The following SUCLG1 variants were observed in gnomAD, a reference collection of about 807,000 sequenced individuals.
SUCLG1 encodes the protein succinate--CoA ligase [ADP/GDP-forming] subunit alpha, mitochondrial.
In SUCLG1, 26 loss-of-function variants were observed where a neutral mutation model predicts 37.3. That is an observed-to-expected ratio of 0.70 (90% confidence interval 0.51 to 0.97). The LOEUF is 0.97. Among genes scored for constraint, SUCLG1 ranks in the 50% least tolerant of loss-of-function variants. SUCLG1 has a pLI of 0.00. For missense variants in SUCLG1, 433 were observed against 432.9 expected, an observed-to-expected ratio of 1.00 and a Z score of 0.00; for synonymous variants, 163 against 155.6, an observed-to-expected ratio of 1.05 and a Z score of -0.36.
intron 1 of SUCLG1, among the ~76,000 whole-genome samples, chr2:84,458,758 G>A (rs1188094039): frequency 6.6e-6 from 1 of 152,068 alleles, no homozygotes; most frequent in African/African-American, 2.4e-5. Context: ...TTCCTACTGA[G>A]ACACTCTTCC....
At chr2:84,425,662 C>A in intron 7 of SUCLG1, 59 bp from the exon 8 acceptor site, 1 of 1,581,662 alleles carries the variant, frequency 6.3e-7, no homozygotes, top group South Asian at 1.1e-5. Context: ...AACGGGACCT[C>A]AAATTCATGA....
At chr2:84,436,175 C>A (rs950189804) in intron 5 of SUCLG1, among the ~76,000 whole-genome samples, 2 of 152,174 alleles carry the variant, frequency 1.3e-5, no homozygotes, top group African/African-American at 2.4e-5. Context: ...TGGCCTACAG[C>A]AACCTACAGG....
chr2:84,425,721 C>G, intron 7 of SUCLG1, 118 bp from the exon 8 acceptor site: 1 of 1,135,716 alleles, frequency 8.8e-7, no homozygotes, highest in Non-Finnish European at 1.3e-6. Context: ...GCCCACCATT[C>G]ATCTTAGGAA....
intron 1 of SUCLG1, among the ~76,000 whole-genome samples, chr2:84,458,147 A>G (rs140574387): frequency 3.0e-4 from 46 of 151,986 alleles, no homozygotes; most frequent in African/African-American, 1.1e-3. Context: ...ATCATCCTGT[A>G]CATCATCATT....
chr2:84,455,625 G>C (rs1031366449), intron 1 of SUCLG1, among the ~76,000 whole-genome samples: 2 of 151,976 alleles, frequency 1.3e-5, no homozygotes, highest in South Asian at 4.2e-4. Context: ...CACAATGTCA[G>C]GAGATCGAGA....
chr2:84,459,148 G>A (rs1276720273), intron 1 of SUCLG1, 25 bp downstream of exon 1: 26 of 1,532,688 alleles, frequency 1.7e-5, no homozygotes, highest in African/African-American at 4.1e-5. Context: ...GCGGGCGCCA[G>A]GAAGACAGTA....
At chr2:84,437,936 T>C (rs897384398) in intron 5 of SUCLG1, among the ~76,000 whole-genome samples, 2 of 152,210 alleles carry the variant, frequency 1.3e-5, no homozygotes, top group African/African-American at 2.4e-5. Context: ...TAGAGACTTA[T>C]TCTGACTATA....
chr2:84,429,842 G>C (rs190324438), intron 7 of SUCLG1, among the ~76,000 whole-genome samples: 195 of 152,242 alleles, frequency 1.3e-3, no homozygotes, highest in Non-Finnish European at 1.8e-3. Flanking sequence ...AGAGTAAAGG[G>C]GGGTGGTTGG....
At chr2:84,454,593 C>T (rs1672990762) in intron 1 of SUCLG1, among the ~76,000 whole-genome samples, 1 of 152,128 alleles carries the variant, frequency 6.6e-6, no homozygotes, top group Non-Finnish European at 1.5e-5. Context: ...ATGAAGTTTC[C>T]TGCCCTGTAA....
chr2:84,424,668 G>A (rs1342320745), intron 8 of SUCLG1, among the ~76,000 whole-genome samples: 2 of 151,994 alleles, frequency 1.3e-5, no homozygotes, highest in Non-Finnish European at 2.9e-5. Context: ...GAGATTTTTT[G>A]TTGTTTTTTG....
rs1001604141 is a variant in SUCLG1, at chr2:84,441,115, T to C, written c.532-11A>G. ...TTTACATTCTCCAGGCTGAAAGTAA[T>C]CATAGTTTTCAGAAATGTTAAAAAA... is the stretch of plus-strand genomic sequence containing the variant. On this transcript the variant is annotated splice_polypyrimidine_tract_variant and intron_variant, in intron 4 of 8. Transcript: ENST00000393868. 1 of 1,613,784 alleles carries C rather than the reference T, an allele frequency of 6.2e-7. No homozygotes were observed. Among genetic ancestry groups the C allele is most frequent in the Non-Finnish European group, 8.5e-7 (1 of 1,179,790 alleles).
chr2:84,443,168 G>A, intron 3 of SUCLG1, 116 bp downstream of exon 3: 1 of 950,242 alleles, frequency 1.1e-6, no homozygotes, highest in South Asian at 1.3e-5. Context: ...CTAGGTTACT[G>A]AATTTTCAAA....
At chr2:84,447,081 CA>C (rs1672861809) in intron 2 of SUCLG1, among the ~76,000 whole-genome samples, 1 of 152,144 alleles carries the variant, frequency 6.6e-6, no homozygotes, top group South Asian at 2.1e-4. Flanking sequence ...GTAAAAGAAA[CA>C]AGATGACACC....
In SUCLG1 at chr2:84,423,721, C is replaced by A; in HGVS notation, c.*25G>T. ...TTACATGTCTACGTGATCCATTCCA[C>A]AGTTTTAGGAATTTTTTTTTTCTTT... On this transcript the variant is annotated 3_prime_UTR_variant, in exon 9 of 9. Coordinates refer to ENST00000393868, the MANE Select transcript of SUCLG1 (RefSeq NM_003849.4). 6 of 1,592,870 alleles carry A rather than the reference C, an allele frequency of 3.8e-6. No individual in the cohort carries two copies. Among genetic ancestry groups the A allele is most frequent in the Non-Finnish European group, 5.1e-6 (6 of 1,165,818 alleles).
chr2:84,443,119 A>G (rs1672799404), intron 3 of SUCLG1, 165 bp downstream of exon 3: 1 of 727,534 alleles, frequency 1.4e-6, no homozygotes, highest in African/African-American at 1.7e-5. Flanking sequence ...ACCTAGAAAC[A>G]AAAATAACAC....
intron 3 of SUCLG1, among the ~76,000 whole-genome samples, chr2:84,442,475 C>T (rs1672788901): frequency 6.6e-6 from 1 of 152,074 alleles, no homozygotes; most frequent in Non-Finnish European, 1.5e-5. Context: ...CTTTTAAATA[C>T]TATTAGTTTT....
chr2:84,427,732 G>A (rs112975456), intron 7 of SUCLG1, among the ~76,000 whole-genome samples: 2,245 of 152,300 alleles, frequency 0.015, 45 homozygotes, highest in East Asian at 0.066. Flanking sequence ...TGAATTACCA[G>A]TTCGTCTGCC....
At position 84,423,707 on chromosome 2, in the gene SUCLG1, C is replaced by A. The variant is rs184961498; in HGVS notation, c.*39G>T. 2 of 1,579,114 alleles carry A rather than the reference C, an allele frequency of 1.3e-6. No homozygotes were observed. The highest frequency in any genetic ancestry group is 1.7e-6 in the Non-Finnish European group (2 of 1,155,204). ...AAACTGCTGCTGGGTTACATGTCTA[C>A]GTGATCCATTCCACAGTTTTAGGAA... is the stretch of plus-strand genomic sequence containing the variant. On this transcript the variant is annotated 3_prime_UTR_variant, in exon 9 of 9. Transcript: ENST00000393868.
intron 1 of SUCLG1, among the ~76,000 whole-genome samples, chr2:84,453,716 C>T (rs542276536): frequency 2.0e-5 from 3 of 152,104 alleles, no homozygotes; most frequent in Non-Finnish European, 4.4e-5. Flanking sequence ...CATGCCCAGC[C>T]GAAAATAAGT....
Sources: gnomAD v4.1 joint callset for allele counts (sites outside exome capture counted in the v4.1 genomes callset) on GRCh38, gnomAD v4.1.1 for gene constraint, MANE v1.5 for transcripts, NCBI Gene and HGNC (gene_info 2026-07-23, HGNC 2026-07-21) for gene names.